Variants in OCA2 observed in about 807,000 individuals in gnomAD.
OCA2 encodes OCA2 melanosomal transmembrane protein.
A neutral mutation model predicts 100.2 loss-of-function variants in OCA2; 77 were observed. The ratio of observed to expected loss-of-function variants is 0.77; its 90% CI spans 0.64 to 0.93. OCA2 has a LOEUF of 0.93. OCA2 is among the 40% of genes least tolerant of loss of function. The probability of loss-of-function intolerance (pLI) is 0.00; values close to 1 mark genes in which losing one functional copy is unlikely to be tolerated. For synonymous variants in OCA2, 432 were observed against 439.2 expected, an observed-to-expected ratio of 0.98 and a Z score of 0.21; for missense variants, 1,062 against 1,089.1, an observed-to-expected ratio of 0.98 and a Z score of 0.35.
rs2040261554 is a variant in OCA2 at position 27,957,474 on chromosome 15, G to A, written c.1784+114C>T. 4.0e-6 allele frequency: 5 copies of A among 1,256,580 alleles called. No individual in the cohort carries two copies. In the Admixed American group the frequency reaches 8.4e-5, roughly 21 times the overall value. The allele number at this position is 1,256,580 out of a possible 1,614,324, so 77.8% of individuals were successfully genotyped here. A position where few individuals can be genotyped will look rare whatever the true frequency, so the allele number is the denominator to read the frequency against. ...AATGTACTATAAGAGGCTTAGCACA[G>A]TGTGCGTCACCTAAATATCACGTAT... On this transcript the variant is annotated intron_variant, in intron 16 of 23. Coordinates refer to ENST00000354638, the MANE Select transcript of OCA2 (RefSeq NM_000275.3). The surrounding 1 kb of genome is among the most constrained non-coding windows in gnomAD (Gnocchi z 4.3).
At chr15:28,079,076 G>A (rs1025641079) in intron 2 of OCA2, among the ~76,000 whole-genome samples, 1 of 152,128 alleles carries the variant, frequency 6.6e-6, no homozygotes, top group Non-Finnish European at 1.5e-5. Flanking sequence ...CTAAAACATA[G>A]GCCAGTACAG....
At chr15:27,958,200 T>TA (rs201747346) in intron 15 of OCA2, among the ~76,000 whole-genome samples, 18 of 150,384 alleles carry the variant, frequency 1.2e-4, no homozygotes, top group African/African-American at 2.2e-4. Flanking sequence ...TAAAGTGTAA[T>TA]AAAAAAAAAA....
At chr15:27,895,499 AGACG>A (rs1443871942) in intron 19 of OCA2, among the ~76,000 whole-genome samples, 1 of 152,240 alleles carries the variant, frequency 6.6e-6, no homozygotes, top group Non-Finnish European at 1.5e-5. Context: ...AGGTGGTCCC[AGACG>A]GACCTGAGGA....
chr15:27,822,519 T>C (rs1456021895), intron 23 of OCA2, among the ~76,000 whole-genome samples: 1 of 152,216 alleles, frequency 6.6e-6, no homozygotes. Flanking sequence ...ACTAGCAGTG[T>C]ATATATTCCA....
chr15:27,778,356 C>T (rs2032354787), intron 23 of OCA2, among the ~76,000 whole-genome samples: 1 of 152,080 alleles, frequency 6.6e-6, no homozygotes, highest in Non-Finnish European at 1.5e-5. Flanking sequence ...GAGAATGTGA[C>T]CATCAAAAAG....
chr15:27,794,473 A>G, intron 23 of OCA2, among the ~76,000 whole-genome samples: 1 of 152,194 alleles, frequency 6.6e-6, no homozygotes, highest in African/African-American at 2.4e-5. Flanking sequence ...ATATCAATAC[A>G]TAAGCAGGAC....
chr15:27,869,924 T>A (rs569519400), intron 21 of OCA2, among the ~76,000 whole-genome samples: 32 of 152,164 alleles, frequency 2.1e-4, no homozygotes, highest in African/African-American at 7.2e-4. Flanking sequence ...CCGCAAGAGT[T>A]CTCCAATTTG....
At chr15:28,064,057 T>C (rs2043954061) in intron 2 of OCA2, among the ~76,000 whole-genome samples, 1 of 152,142 alleles carries the variant, frequency 6.6e-6, no homozygotes, top group Non-Finnish European at 1.5e-5. Flanking sequence ...AAGGGCAGTT[T>C]TGCCAGATAT....
At chr15:28,034,229 C>A (rs915545568) in intron 2 of OCA2, among the ~76,000 whole-genome samples, 5 of 152,108 alleles carry the variant, frequency 3.3e-5, no homozygotes, top group Non-Finnish European at 7.3e-5. Context: ...GAGGTCAAGG[C>A]TGCAGTGAGC....
intron 1 of OCA2, among the ~76,000 whole-genome samples, chr15:28,095,642 G>GGGAGGT (rs1451713360): frequency 6.6e-6 from 1 of 151,814 alleles, no homozygotes; most frequent in Non-Finnish European, 1.5e-5. Flanking sequence ...GCTTGAACCA[G>GGGAGGT]GGAGGTGGAG....
chr15:27,960,032 C>A (rs1488025618), intron 15 of OCA2, among the ~76,000 whole-genome samples: 1 of 152,144 alleles, frequency 6.6e-6, no homozygotes, highest in African/African-American at 2.4e-5. Context: ...CTGTCATTTC[C>A]CCACCCTGTC....
chr15:28,056,334 A>C (rs1169112585), intron 2 of OCA2, among the ~76,000 whole-genome samples: 1 of 152,204 alleles, frequency 6.6e-6, no homozygotes, highest in Admixed American at 6.5e-5. Context: ...ATTCATGACA[A>C]AATTCTACCA....
the OCA2 span, among the ~76,000 whole-genome samples, chr15:27,741,906 T>C: frequency 6.6e-6 from 1 of 152,204 alleles, no homozygotes; most frequent in African/African-American, 2.4e-5. Context: ...ACATTACTCA[T>C]CCTGCAAAAC....
At chr15:27,745,645 T>C in the OCA2 span, among the ~76,000 whole-genome samples, 6 of 152,196 alleles carry the variant, frequency 3.9e-5, no homozygotes, top group African/African-American at 1.2e-4. Flanking sequence ...GGGGGGAAAT[T>C]TACGCTGTGT....
intron 9 of OCA2, among the ~76,000 whole-genome samples, chr15:27,992,898 A>AAG: frequency 6.6e-6 from 1 of 152,204 alleles, no homozygotes; most frequent in African/African-American, 2.4e-5. Flanking sequence ...CAAGGCAGGC[A>AAG]GATTGCTTAA....
At chr15:27,761,473 A>C (rs1293427695) in intron 23 of OCA2, among the ~76,000 whole-genome samples, 2 of 151,718 alleles carry the variant, frequency 1.3e-5, no homozygotes, top group Non-Finnish European at 1.5e-5. Flanking sequence ...AAAAAAAAAA[A>C]CCCAAAGCAG....
intron 18 of OCA2, among the ~76,000 whole-genome samples, chr15:27,950,209 T>C (rs1381479956): frequency 6.6e-6 from 1 of 152,234 alleles, no homozygotes; most frequent in Admixed American, 6.5e-5. Context: ...ATGCCTGCTA[T>C]GTTCCTCTAA....
At chr15:28,063,297 T>C (rs1354250482) in intron 2 of OCA2, among the ~76,000 whole-genome samples, 1 of 152,088 alleles carries the variant, frequency 6.6e-6, no homozygotes, top group African/African-American at 2.4e-5. Context: ...CTATTTGGGG[T>C]TTTGATTCTA....
At chr15:27,808,086 C>G (rs573593725) in intron 23 of OCA2, among the ~76,000 whole-genome samples, 3 of 152,350 alleles carry the variant, frequency 2.0e-5, no homozygotes, top group South Asian at 4.1e-4. Flanking sequence ...GAGATAGTGG[C>G]CCCAGAGGGC....
Sources: gnomAD v4.1 joint callset for allele counts (sites outside exome capture counted in the v4.1 genomes callset) on GRCh38, gnomAD v4.1.1 for gene constraint, Gnocchi (gnomAD v3.1) non-coding constraint, MANE v1.5 for transcripts, NCBI Gene and HGNC (gene_info 2026-07-23, HGNC 2026-07-21) for gene names.